Variants in THSD7B observed in about 807,000 individuals in gnomAD.
THSD7B encodes the protein thrombospondin type-1 domain-containing protein 7B.
A neutral mutation model predicts 213.6 loss-of-function variants in THSD7B; 138 were observed. The observed-to-expected ratio is 0.65, with a 90% CI of 0.56 to 0.74. THSD7B has a LOEUF of 0.74. THSD7B is among the 30% of genes least tolerant of loss of function. THSD7B has a pLI of 0.00. For missense variants in THSD7B, 1,931 were observed against 1,991.5 expected (o/e 0.97, Z 0.58); for synonymous variants, 742 against 687.0 (o/e 1.08, Z -1.25).
intron 12 of THSD7B, among the ~76,000 whole-genome samples, chr2:137,351,754 T>C (rs1385157057): frequency 6.6e-6 from 1 of 151,874 alleles, no homozygotes; most frequent in East Asian, 1.9e-4. Flanking sequence ...GGCTTGGAGA[T>C]CAATTTTGCC....
chr2:137,237,830 G>A (rs1260518386), intron 9 of THSD7B, among the ~76,000 whole-genome samples: 1 of 152,194 alleles, frequency 6.6e-6, no homozygotes, highest in African/African-American at 2.4e-5. Context: ...TGAGGAAAGG[G>A]TAAACCTCAT....
At chr2:136,874,662 G>A (rs1683495527) in intron 1 of THSD7B, among the ~76,000 whole-genome samples, 1 of 152,150 alleles carries the variant, frequency 6.6e-6, no homozygotes, top group Admixed American at 6.5e-5. Flanking sequence ...GAAGTGTGAG[G>A]CACTTTTTTT....
intron 15 of THSD7B, among the ~76,000 whole-genome samples, chr2:137,522,191 A>G (rs1680198213): frequency 6.6e-6 from 1 of 152,090 alleles, no homozygotes; most frequent in African/African-American, 2.4e-5. Flanking sequence ...AACCCTTCAA[A>G]TGCTTCTCTC....
At chr2:136,805,733 A>G (rs942487536) in intron 1 of THSD7B, among the ~76,000 whole-genome samples, 14 of 152,128 alleles carry the variant, frequency 9.2e-5, no homozygotes, top group African/African-American at 3.4e-4. Context: ...TAAAAGTTGG[A>G]GCCTTTAATT....
At chr2:137,509,246 TTTCC>T (rs1005170760) in intron 15 of THSD7B, among the ~76,000 whole-genome samples, 21 of 151,884 alleles carry the variant, frequency 1.4e-4, no homozygotes, top group Non-Finnish European at 2.1e-4. Context: ...TTCTTTTCTT[TTTCC>T]TTCCTTCCTT....
At chr2:137,358,034 T>C (rs1466645682) in intron 12 of THSD7B, among the ~76,000 whole-genome samples, 2 of 152,226 alleles carry the variant, frequency 1.3e-5, no homozygotes, top group Non-Finnish European at 2.9e-5. Context: ...CCCTTTTTTA[T>C]GGTGATTTTC....
chr2:136,912,833 A>G (rs1684288136), intron 2 of THSD7B, among the ~76,000 whole-genome samples: 1 of 151,862 alleles, frequency 6.6e-6, no homozygotes, highest in African/African-American at 2.4e-5. Flanking sequence ...GTCCAATTAA[A>G]CCTCTTTTTC....
At position 136,937,618 on chromosome 2, in the gene THSD7B, A is replaced by C. The variant is rs144061617; in HGVS notation, c.139+55301A>C. On this transcript the variant is annotated intron_variant, in intron 2 of 27. Coordinates refer to ENST00000409968, the MANE Select transcript of THSD7B (RefSeq NM_001316349.2). Reference sequence around the variant, plus strand: ...ATTTAATGGTGCCTTGTATAGAGTTACTATTTAATAAAATATTACTTGTTG... The same window carrying C: ...ATTTAATGGTGCCTTGTATAGAGTTCCTATTTAATAAAATATTACTTGTTG... Among the ~76,000 whole-genome samples the C allele has an allele frequency of 5.6e-4, 85 of 152,312 alleles. No homozygotes were observed. The East Asian group carries it at 7.1e-3, about 13-fold the overall frequency.
At chr2:137,276,947 A>G (rs1264132380) in intron 12 of THSD7B, among the ~76,000 whole-genome samples, 1 of 152,118 alleles carries the variant, frequency 6.6e-6, no homozygotes, top group Non-Finnish European at 1.5e-5. Flanking sequence ...GGGGATCTAC[A>G]GTGGCTTTGT....
At position 137,640,836 on chromosome 2, in the gene THSD7B, CACTT is replaced by C. The variant is rs532581910; in HGVS notation, c.3800-1646_3800-1643del. Among the ~76,000 whole-genome samples the C allele has an allele frequency of 2.5e-3, 380 of 152,208 alleles. 1 individual carries two copies. Among genetic ancestry groups the C allele is most frequent in the South Asian group, 8.7e-3 (42 of 4,818 alleles). On this transcript the variant is annotated intron_variant, in intron 20 of 27. Transcript: ENST00000409968. ...GAAAATATAAATTAAACATATAGTC[CACTT>C]ACTTAATGTCTGTGAAGTACCATGT...
chr2:136,853,642 C>T (rs1055905950), intron 1 of THSD7B, among the ~76,000 whole-genome samples: 2 of 152,106 alleles, frequency 1.3e-5, no homozygotes, highest in Non-Finnish European at 2.9e-5. Context: ...GGAGATACTG[C>T]CGTATTATGC....
At chr2:136,908,964 T>C (rs1029570135) in intron 2 of THSD7B, among the ~76,000 whole-genome samples, 2 of 152,076 alleles carry the variant, frequency 1.3e-5, no homozygotes, top group Non-Finnish European at 2.9e-5. Context: ...GAGAATCACT[T>C]GAGGTCAGGA....
chr2:137,355,231 G>A (rs1397646378), intron 12 of THSD7B, among the ~76,000 whole-genome samples: 3 of 152,114 alleles, frequency 2.0e-5, no homozygotes, highest in Non-Finnish European at 4.4e-5. Flanking sequence ...CAAGAGTAAT[G>A]AAAATAAACC....
At chr2:137,614,148 A>T (rs1444706615) in intron 17 of THSD7B, among the ~76,000 whole-genome samples, 1 of 152,126 alleles carries the variant, frequency 6.6e-6, no homozygotes, top group African/African-American at 2.4e-5. Flanking sequence ...ATATCTAATT[A>T]TCCGAAACTA....
At chr2:137,099,479 T>C (rs1688106610) in intron 4 of THSD7B, among the ~76,000 whole-genome samples, 1 of 152,180 alleles carries the variant, frequency 6.6e-6, no homozygotes, top group Non-Finnish European at 1.5e-5. Context: ...CTGGAACAGC[T>C]ATGATTCCAG....
intron 12 of THSD7B, among the ~76,000 whole-genome samples, chr2:137,389,197 TATATATATATATATATATATGACAAAATA>T (rs1685959989): frequency 6.9e-6 from 1 of 144,256 alleles, no homozygotes; most frequent in African/African-American, 2.6e-5. Context: ...ATCTGTCATA[TATATATATATATATATATATGACAAAATA>T]ATATATATAT....
chr2:137,635,292 A>G (rs960007654), intron 20 of THSD7B, among the ~76,000 whole-genome samples: 2 of 152,164 alleles, frequency 1.3e-5, no homozygotes, highest in African/African-American at 2.4e-5. Flanking sequence ...GTCCATATTT[A>G]TGATTGAATT....
chr2:137,001,316 A>G lies in THSD7B; in HGVS notation c.140-55104A>G, dbSNP rs544819982. On this transcript the variant is annotated intron_variant, in intron 2 of 27. Transcript: ENST00000409968. ...ATAATGAAGAAACTATAAACAGACTAAAATCACAATTTCTGGCCACCCACA... is the reference window on the plus strand; with the variant it reads ...ATAATGAAGAAACTATAAACAGACTGAAATCACAATTTCTGGCCACCCACA... Among the ~76,000 whole-genome samples the G allele has an allele frequency of 2.0e-5, 3 of 152,254 alleles. No individual in the cohort carries two copies. In the East Asian group the frequency reaches 5.8e-4, roughly 29 times the overall value.
intron 7 of THSD7B, among the ~76,000 whole-genome samples, chr2:137,216,048 A>G (rs532044166): frequency 6.6e-6 from 1 of 152,274 alleles, no homozygotes. Context: ...AATTTTGTTG[A>G]GGGGGAAAAT....
Sources: allele counts gnomAD v4.1 joint callset (sites outside exome capture counted in the v4.1 genomes callset), GRCh38; gene constraint gnomAD v4.1.1; transcripts MANE v1.5; gene names NCBI Gene and HGNC (gene_info 2026-07-23, HGNC 2026-07-21).